MAP3K3: variants seen among roughly 807,000 people sequenced by gnomAD.
MAP3K3 encodes mitogen-activated protein kinase kinase kinase 3.
A neutral mutation model predicts 80.9 loss-of-function variants in MAP3K3; 12 were observed. The ratio of observed to expected loss-of-function variants is 0.15; its 90% CI spans 0.10 to 0.24. The LOEUF (loss-of-function observed/expected upper bound fraction) is 0.24, where lower values mean the gene tolerates loss of function less well. MAP3K3 is among the 10% of genes least tolerant of loss of function. The probability of loss-of-function intolerance (pLI) is 1.00; values close to 1 mark genes in which losing one functional copy is unlikely to be tolerated. For synonymous variants in MAP3K3, 272 were observed against 307.1 expected (o/e 0.89, Z 1.19); for missense variants, 596 against 834.7 (o/e 0.71, Z 3.52).
intron 4 of MAP3K3, among the ~76,000 whole-genome samples, chr17:63,656,193 G>T (rs1437223717): frequency 6.6e-6 from 1 of 151,988 alleles, no homozygotes. Context: ...TTGTGCCACT[G>T]CACTCCAGCC....
At chr17:63,683,754 G>A (rs1030192406) in intron 7 of MAP3K3, among the ~76,000 whole-genome samples, 1 of 152,148 alleles carries the variant, frequency 6.6e-6, no homozygotes, top group Non-Finnish European at 1.5e-5. Flanking sequence ...AATATGATAA[G>A]TTTTGTTTTT....
rs1043875476 is a variant in MAP3K3 at position 63,622,571 on chromosome 17, C to T, written c.-189C>T. The T allele has an allele frequency of 1.3e-5, 2 of 155,038 alleles. No individual in the cohort carries two copies. Among genetic ancestry groups the T allele is most frequent in the Non-Finnish European group, 2.8e-5 (2 of 71,006 alleles). The allele number at this position is 155,038 out of a possible 1,614,324, so 9.6% of individuals were successfully genotyped here. ...GATGTAGCGGGCCACCCTGCCGATG[C>T]CACAGCGCCCGGCCGCGGGCGGAGC... On this transcript the variant is annotated 5_prime_UTR_variant, in exon 1 of 16. Transcript: ENST00000361733.
chr17:63,634,927 T>C (rs2034292322), intron 2 of MAP3K3: 1 of 818,864 alleles, frequency 1.2e-6, no homozygotes, highest in African/African-American at 1.7e-5. Context: ...TGGTTACCCG[T>C]GACCTGTGTT....
rs776560365 is a variant in MAP3K3 at position 63,691,162 on chromosome 17, G to T, written c.1273G>T (p.Val425Leu). 19 of 1,614,192 alleles carry T rather than the reference G, an allele frequency of 1.2e-5. No homozygotes were observed. In the East Asian group the frequency reaches 3.6e-4, roughly 30 times the overall value. The change falls in exon 13 of 16, where the codon GTG becomes TTG. Residue 425 changes from valine to leucine, a missense_variant. By Grantham distance (32) the Val-to-Leu change is conservative. Transcript: ENST00000361733. The surrounding 1 kb of genome is among the most constrained non-coding windows in gnomAD (Gnocchi z 4.8). Reference protein sequence around the residue: ...LLKNLQHERIVQYYGCLRDRA... With the variant: ...LLKNLQHERILQYYGCLRDRA... The stretch of plus-strand genomic sequence containing the variant: ...AAAGAACTTGCAGCATGAGCGCATC[G>T]TGCAGTACTATGGCTGTCTGCGGGA...
rs2035633140 is a variant in MAP3K3 at position 63,693,425 on chromosome 17, C to T, written c.1653-124C>T. On this transcript the variant is annotated intron_variant, in intron 15 of 15. Coordinates refer to ENST00000361733, the MANE Select transcript of MAP3K3 (RefSeq NM_002401.5). The surrounding 1 kb of genome is among the most constrained non-coding windows in gnomAD (Gnocchi z 4.2). ...GGACAGACATCCAAGCTGAGGTATC[C>T]CTCAGCTTGGCCTGTCCTGCACCTC... The T allele has an allele frequency of 1.3e-6, 1 of 745,238 alleles. No homozygotes were observed. The highest frequency in any genetic ancestry group is 3.6e-4 in the Middle Eastern group (1 of 2,760). 46.2% of individuals were successfully genotyped at this position (745,238 alleles called of 1,614,324 possible).
rs2034010285 is a variant in MAP3K3, at chr17:63,622,666, C to A, written c.-94C>A. On this transcript the variant is annotated 5_prime_UTR_variant, in exon 1 of 16. Transcript: ENST00000361733. ...CGCGCCCCCCGCGCGGAGCCAGGCCCGCTGCCGTCCCCGCCGCCCGGGCCC... is the reference window on the plus strand; with the variant it reads ...CGCGCCCCCCGCGCGGAGCCAGGCCAGCTGCCGTCCCCGCCGCCCGGGCCC... The A allele has an allele frequency of 8.1e-6, 3 of 370,404 alleles. No homozygotes were observed. Among genetic ancestry groups the A allele is most frequent in the Non-Finnish European group, 1.6e-5 (3 of 185,844 alleles). 22.9% of individuals were successfully genotyped at this position (370,404 alleles called of 1,614,324 possible).
At chr17:63,663,964 C>T (rs138364206) in intron 5 of MAP3K3, among the ~76,000 whole-genome samples, 2 of 152,086 alleles carry the variant, frequency 1.3e-5, no homozygotes, top group East Asian at 1.9e-4. Flanking sequence ...GGCTTTAGGC[C>T]GGGCGCGGTG....
chr17:63,670,554 G>A (rs1598101189), intron 6 of MAP3K3, among the ~76,000 whole-genome samples: 1 of 140,154 alleles, frequency 7.1e-6, no homozygotes. Flanking sequence ...CTGTACTCCA[G>A]CCTGGGTGAC....
At position 63,696,305 on chromosome 17, in the gene MAP3K3, A is replaced by C. The variant is rs887476515; in HGVS notation, c.*2528A>C. On this transcript the variant is annotated 3_prime_UTR_variant, in exon 16 of 16. Transcript: ENST00000361733. ...ACTTACAATAAAAGGGATCATTTATATCAGAGGGGTCCTGTGGCAGTGCTT... is the reference window on the plus strand; with the variant it reads ...ACTTACAATAAAAGGGATCATTTATCTCAGAGGGGTCCTGTGGCAGTGCTT... The C allele has an allele frequency of 6.6e-6, 1 of 152,660 alleles. No homozygotes were observed. The highest frequency in any genetic ancestry group is 6.5e-5 in the Admixed American group (1 of 15,284). The allele number at this position is 152,660 out of a possible 1,614,324, so 9.5% of individuals were successfully genotyped here. A position where few individuals can be genotyped will look rare whatever the true frequency, so the allele number is the denominator to read the frequency against.
chr17:63,648,845 A>G (rs370290125), intron 3 of MAP3K3, among the ~76,000 whole-genome samples: 9 of 152,092 alleles, frequency 5.9e-5, no homozygotes, highest in Non-Finnish European at 1.3e-4. Flanking sequence ...TACAGTCTCA[A>G]TGGGTTTCCT....
intron 6 of MAP3K3, among the ~76,000 whole-genome samples, chr17:63,677,717 A>G (rs947673369): frequency 6.6e-6 from 1 of 152,224 alleles, no homozygotes; most frequent in African/African-American, 2.4e-5. Flanking sequence ...TGCATGAAAC[A>G]TGCCACTGTG....
At chr17:63,666,262 G>A (rs954204463) in intron 5 of MAP3K3, among the ~76,000 whole-genome samples, 76 of 152,240 alleles carry the variant, frequency 5.0e-4, no homozygotes, top group African/African-American at 1.8e-3. Flanking sequence ...GATGATTTGT[G>A]TGTAAACCCT....
chr17:63,688,559 C>G lies in MAP3K3; in HGVS notation c.743C>G (p.Ala248Gly). Residue 248 changes from alanine (A) to glycine (G), a missense_variant, in exon 9 of 16, where the codon GCC becomes GGC. Coordinates refer to ENST00000361733, the MANE Select transcript of MAP3K3 (RefSeq NM_002401.5). ...TTCCGGAAATCACGAATGTCCCGTGCCCAGAGCTTCCCTGACAACAGACAG... is the reference window on the plus strand; with the variant it reads ...TTCCGGAAATCACGAATGTCCCGTGGCCAGAGCTTCCCTGACAACAGACAG... ...PSFRKSRMSR[A>G]QSFPDNRQEY... 1 of 1,614,096 alleles carries G rather than the reference C, an allele frequency of 6.2e-7. No individual in the cohort carries two copies. Among genetic ancestry groups the G allele is most frequent in the Non-Finnish European group, 8.5e-7 (1 of 1,179,974 alleles).
chr17:63,689,026 AAAAAAC>A lies in MAP3K3; in HGVS notation c.871+159_871+164del, dbSNP rs1032676618. On this transcript the variant is annotated intron_variant, in intron 10 of 15. Transcript: ENST00000361733. This position sits in a 1 kb window ranked among gnomAD's most constrained non-coding sequence, Gnocchi z 4.3. ...CAGACTTGAGGCATGGGAGACAGGAAAAAAACAAAAACAAAAACAGGGAAGATAGTA... is the reference window on the plus strand; with the variant it reads ...CAGACTTGAGGCATGGGAGACAGGAAAAAAACAAAAACAGGGAAGATAGTA... The A allele has an allele frequency of 1.4e-4, 91 of 632,120 alleles. No homozygotes were observed. Among genetic ancestry groups the A allele is most frequent in the Middle Eastern group, 7.1e-4 (2 of 2,804 alleles). 39.2% of individuals were successfully genotyped at this position (632,120 alleles called of 1,614,324 possible). A position where few individuals can be genotyped will look rare whatever the true frequency, so the allele number is the denominator to read the frequency against.
At position 63,690,403 on chromosome 17, in the gene MAP3K3, G is replaced by C; in HGVS notation, c.1203G>C (p.Glu401Asp). 1 of 1,613,852 alleles carries C rather than the reference G, an allele frequency of 6.2e-7. No individual in the cohort carries two copies. Among genetic ancestry groups the C allele is most frequent in the Non-Finnish European group, 8.5e-7 (1 of 1,179,908 alleles). ...TCCAATTTGATCCAGACAGTCCTGA[G>C]ACAAGCAAGGTACACTTAACCCGTG... ...KQVQFDPDSP[E>D]TSKEVSALEC... Residue 401 changes from glutamate to aspartate, a missense_variant, in exon 12 of 16, where the codon GAG becomes GAC. Physicochemically the swap from Glu to Asp is conservative, Grantham distance 45. Coordinates refer to ENST00000361733, the MANE Select transcript of MAP3K3 (RefSeq NM_002401.5).
At position 63,663,203 on chromosome 17, in the gene MAP3K3, TA is replaced by T. The variant is rs571649369; in HGVS notation, c.382-3733del. Among the ~76,000 whole-genome samples, 95 of 152,086 alleles carry T rather than the reference TA, an allele frequency of 6.2e-4. 2 individuals carry two copies. Among genetic ancestry groups the T allele is most frequent in the Middle Eastern group, 3.4e-3 (1 of 294 alleles). The stretch of plus-strand genomic sequence containing the variant: ...GAGTCACTTTCATATATGAACAGTG[TA>T]AAAGTTTACAATGCTTGGCCAGGCG... On this transcript the variant is annotated intron_variant, in intron 5 of 15. Transcript: ENST00000361733.
At chr17:63,685,734 C>G (rs1270181928) in intron 8 of MAP3K3, 144 bp downstream of exon 8, 1 of 658,218 alleles carries the variant, frequency 1.5e-6, no homozygotes, top group African/African-American at 1.8e-5. Flanking sequence ...CCCAACACCA[C>G]GAGAATGTTA....
rs752413223 is a variant in MAP3K3 at position 63,645,999 on chromosome 17, G to T, written c.127-35G>T. ...AATGGCAGGAGTGACACATTCCAGA[G>T]AATTCTCTAACCTGTCTATCATTCT... On this transcript the variant is annotated intron_variant, in intron 2 of 15. Coordinates refer to ENST00000361733, the MANE Select transcript of MAP3K3 (RefSeq NM_002401.5). 5.0e-6 allele frequency: 8 copies of T among 1,599,496 alleles called. 1 individual carries two copies. Among genetic ancestry groups the T allele is most frequent in the Middle Eastern group, 1.7e-4 (1 of 6,034 alleles).
chr17:63,695,575 A>G lies in MAP3K3; in HGVS notation c.*1798A>G, dbSNP rs1369240358. 1 of 152,530 alleles carries G rather than the reference A, an allele frequency of 6.6e-6. No individual in the cohort carries two copies. Among genetic ancestry groups the G allele is most frequent in the African/African-American group, 2.4e-5 (1 of 41,372 alleles). The allele number at this position is 152,530 out of a possible 1,614,324, so 9.4% of individuals were successfully genotyped here. A position where few individuals can be genotyped will look rare whatever the true frequency, so the allele number is the denominator to read the frequency against. ...TTGCCCAGGGTGGGGCCTGGCCCTC[A>G]TCTTGACCAAAGCTGCTGTGTGGCA... On this transcript the variant is annotated 3_prime_UTR_variant, in exon 16 of 16. Transcript: ENST00000361733. This position sits in a 1 kb window ranked among gnomAD's most constrained non-coding sequence, Gnocchi z 4.1.
Sources: gnomAD v4.1 joint callset for allele counts (sites outside exome capture counted in the v4.1 genomes callset) on GRCh38, gnomAD v4.1.1 for gene constraint, Gnocchi (gnomAD v3.1) non-coding constraint, MANE v1.5 for transcripts, NCBI Gene and HGNC (gene_info 2026-07-23, HGNC 2026-07-21) for gene names.